CEP97: variants seen among roughly 807,000 people sequenced by gnomAD.
The protein encoded by CEP97 is centrosomal protein 97.
CEP97 carries 43 observed loss-of-function variants against 73.1 expected under a neutral mutation model. The observed-to-expected ratio is 0.59, with a 90% CI of 0.46 to 0.76. The LOEUF (loss-of-function observed/expected upper bound fraction) is 0.76. Ranked by LOEUF, CEP97 falls within the 30% of genes least tolerant of loss-of-function variation. The pLI, the probability that CEP97 is intolerant of heterozygous loss-of-function variation, is 0.00. For synonymous variants in CEP97, 337 were observed against 370.0 expected (o/e 0.91, Z 1.02); for missense variants, 939 against 1,014.0 (o/e 0.93, Z 1.00).
chr3:101,726,146 T>TCTC (rs771551774), intron 1 of CEP97, among the ~76,000 whole-genome samples: 53 of 152,332 alleles, frequency 3.5e-4, no homozygotes, highest in Admixed American at 5.9e-4. Context: ...GGGTGTATTA[T>TCTC]CCTATTTTAT....
intron 6 of CEP97, among the ~76,000 whole-genome samples, chr3:101,753,926 G>T (rs920641781): frequency 6.6e-6 from 1 of 152,010 alleles, no homozygotes; most frequent in African/African-American, 2.4e-5. Flanking sequence ...TCTGCCCACC[G>T]TCTGGCACTC....
chr3:101,764,878 T>C lies in CEP97; in HGVS notation c.1925T>C (p.Val642Ala), dbSNP rs1249916876. 3.1e-6 allele frequency: 5 copies of C among 1,612,784 alleles called. No homozygotes were observed. Among genetic ancestry groups the C allele is most frequent in the Non-Finnish European group, 4.2e-6 (5 of 1,179,470 alleles). ...VRSLQVWQQT[V>A]DQRLSSWHTD... Reference sequence around the variant, plus strand: ...TCTCTACAGGTTTGGCAACAGACAGTGGACCAGCGTCTAAGTTCCTGGCAT... The same window carrying C: ...TCTCTACAGGTTTGGCAACAGACAGCGGACCAGCGTCTAAGTTCCTGGCAT... Residue 642 changes from valine (V) to alanine (A), a missense_variant, in exon 11 of 11, where the codon GTG becomes GCG. Physicochemically the swap from Val to Ala is moderately conservative, Grantham distance 64. Coordinates refer to ENST00000341893, the MANE Select transcript of CEP97 (RefSeq NM_024548.4).
chr3:101,742,967 G>A (rs1280020593), intron 6 of CEP97, among the ~76,000 whole-genome samples: 1 of 152,068 alleles, frequency 6.6e-6, no homozygotes, highest in African/African-American at 2.4e-5. Context: ...GAGCATGGCC[G>A]CACGTGGTGG....
chr3:101,764,552 G>C (rs962706380), intron 10 of CEP97, among the ~76,000 whole-genome samples: 1 of 151,740 alleles, frequency 6.6e-6, no homozygotes, highest in Non-Finnish European at 1.5e-5. Flanking sequence ...TGGAGGTTGC[G>C]GTAAGCCGAG....
In CEP97 at chr3:101,724,633, G is replaced by A. The variant is rs746792187; in HGVS notation, c.-44G>A. On this transcript the variant is annotated 5_prime_UTR_variant, in exon 1 of 11. Coordinates refer to ENST00000341893, the MANE Select transcript of CEP97 (RefSeq NM_024548.4). ...TCCTTCAGATTACAAGCTCCACAGA[G>A]CCGCGGGAGGACGGTTGCCTGGTAT... 1.9e-6 allele frequency: 3 copies of A among 1,613,016 alleles called. No individual in the cohort carries two copies. Among genetic ancestry groups the A allele is most frequent in the Non-Finnish European group, 1.7e-6 (2 of 1,179,032 alleles).
chr3:101,748,251 C>T lies in CEP97; in HGVS notation c.729-7179C>T, dbSNP rs558189799. ...GTTTTTGTTTTTGGTTTTTTTTTTA[C>T]GTAGGATTTAATATAATTTGTGTAG... On this transcript the variant is annotated intron_variant, in intron 6 of 10. Coordinates refer to ENST00000341893, the MANE Select transcript of CEP97 (RefSeq NM_024548.4). Among the ~76,000 whole-genome samples, 54 of 136,212 alleles carry T rather than the reference C, an allele frequency of 4.0e-4. No homozygotes were observed. In the Middle Eastern group the frequency reaches 0.013, roughly 33 times the overall value. The allele number at this position is 136,212 out of a possible 152,430, so 89.4% of individuals were successfully genotyped here. A position where few individuals can be genotyped will look rare whatever the true frequency, so the allele number is the denominator to read the frequency against.
chr3:101,730,822 A>C (rs1938086182), intron 4 of CEP97, among the ~76,000 whole-genome samples: 1 of 152,166 alleles, frequency 6.6e-6, no homozygotes, highest in Non-Finnish European at 1.5e-5. Context: ...CCCTAGAAGC[A>C]GTATCTTAGT....
chr3:101,760,422 A>G (rs1303294085), intron 9 of CEP97, among the ~76,000 whole-genome samples: 1 of 152,196 alleles, frequency 6.6e-6, no homozygotes, highest in East Asian at 1.9e-4. Context: ...GGTCTGATTC[A>G]GGCATGGTTA....
intron 6 of CEP97, among the ~76,000 whole-genome samples, chr3:101,737,699 A>G (rs1224244205): frequency 6.6e-6 from 1 of 152,216 alleles, no homozygotes; most frequent in African/African-American, 2.4e-5. Flanking sequence ...AGCACTAAAC[A>G]TGGAAAGGAA....
intron 6 of CEP97, among the ~76,000 whole-genome samples, 165 bp downstream of exon 6, chr3:101,732,819 A>C (rs760411317): frequency 2.4e-4 from 37 of 152,270 alleles, no homozygotes; most frequent in Middle Eastern, 3.4e-3. Flanking sequence ...TGTCATTTCT[A>C]AAAAAGGATA....
chr3:101,741,653 GA>G (rs1242798512), intron 6 of CEP97, among the ~76,000 whole-genome samples: 2 of 152,060 alleles, frequency 1.3e-5, no homozygotes, highest in African/African-American at 4.8e-5. Context: ...ACAATCATAT[GA>G]AAAAAAGCTC....
chr3:101,765,978 C>G lies in CEP97; in HGVS notation c.*427C>G, dbSNP rs1049687617. 6.6e-6 allele frequency: 1 copy of G among 152,396 alleles called. No homozygotes were observed. Among genetic ancestry groups the G allele is most frequent in the African/African-American group, 2.4e-5 (1 of 41,390 alleles). 9.4% of individuals were successfully genotyped at this position (152,396 alleles called of 1,614,324 possible). On this transcript the variant is annotated 3_prime_UTR_variant, in exon 11 of 11. Coordinates refer to ENST00000341893, the MANE Select transcript of CEP97 (RefSeq NM_024548.4). The stretch of plus-strand genomic sequence containing the variant: ...TAGCAAGGAATGAAATTTGATAAAG[C>G]AAATATAAATGAGAAATATGAGGAT...
intron 4 of CEP97, among the ~76,000 whole-genome samples, chr3:101,729,201 G>C (rs575568529): frequency 3.9e-5 from 6 of 152,086 alleles, no homozygotes; most frequent in African/African-American, 1.4e-4. Context: ...AAAAATTAGT[G>C]GGGCATAGTG....
intron 6 of CEP97, among the ~76,000 whole-genome samples, chr3:101,738,011 CAAAA>C (rs770745532): frequency 1.4e-4 from 6 of 44,222 alleles, no homozygotes; most frequent in South Asian, 1.2e-3. Context: ...AAATGGAAAG[CAAAA>C]AAAAAAAAAA....
intron 6 of CEP97, among the ~76,000 whole-genome samples, chr3:101,736,509 C>T (rs945229371): frequency 1.3e-5 from 2 of 152,232 alleles, no homozygotes; most frequent in Non-Finnish European, 2.9e-5. Flanking sequence ...AAGGAACAGG[C>T]AGCAATCTTT....
intron 10 of CEP97, among the ~76,000 whole-genome samples, chr3:101,764,299 C>G (rs1243528398): frequency 6.6e-6 from 1 of 152,064 alleles, no homozygotes; most frequent in Non-Finnish European, 1.5e-5. Flanking sequence ...GACCTCATCT[C>G]TACAGAAAAA....
chr3:101,745,800 A>C (rs1938595092), intron 6 of CEP97, among the ~76,000 whole-genome samples: 1 of 151,804 alleles, frequency 6.6e-6, no homozygotes, highest in African/African-American at 2.4e-5. Flanking sequence ...ACATGTGCAC[A>C]ATGTGCAGGT....
rs149947011 is a variant in CEP97 at position 101,732,593 on chromosome 3, A to G, written c.667A>G (p.Ile223Val). The G allele has an allele frequency of 5.0e-6, 8 of 1,614,040 alleles. No individual in the cohort carries two copies. Among genetic ancestry groups the G allele is most frequent in the South Asian group, 2.2e-5 (2 of 91,090 alleles). The change falls in exon 6 of 11, where the codon ATC becomes GTC. Residue 223 changes from isoleucine to valine, a missense_variant. Transcript: ENST00000341893. The stretch of plus-strand genomic sequence containing the variant: ...CCCAGGATTTGACTATCGGCCGTAC[A>G]TCGTCAGCTGGTGCCTAAACCTCAG... Reference protein sequence around the residue: ...SIPGFDYRPYIVSWCLNLRVL... With the variant: ...SIPGFDYRPYVVSWCLNLRVL...
At position 101,758,299 on chromosome 3, in the gene CEP97, C is replaced by G. The variant is rs933609853; in HGVS notation, c.1693C>G (p.Leu565Val). ...LQKLNDAATK[L>V]QACWRGFYAR... ...GAAATTAAATGATGCAGCCACCAAG[C>G]TTCAGGCCTGTTGGCGGGGATTTTA... The change falls in exon 9 of 11, where the codon CTT becomes GTT. Residue 565 changes from leucine to valine, a missense_variant. Transcript: ENST00000341893. 4 of 1,614,076 alleles carry G rather than the reference C, an allele frequency of 2.5e-6. No individual in the cohort carries two copies. Among genetic ancestry groups the G allele is most frequent in the African/African-American group, 1.3e-5 (1 of 74,930 alleles).
Sources: allele counts gnomAD v4.1 joint callset (sites outside exome capture counted in the v4.1 genomes callset), GRCh38; gene constraint gnomAD v4.1.1; transcripts MANE v1.5; gene names NCBI Gene and HGNC (gene_info 2026-07-23, HGNC 2026-07-21).